The following SYNPR variants were observed in gnomAD, a reference collection of about 807,000 sequenced individuals.
The protein encoded by SYNPR is synaptoporin.
SYNPR carries 23 observed loss-of-function variants against 32.9 expected under a neutral mutation model. That is an observed-to-expected ratio of 0.70 (90% CI 0.50 to 0.99). The LOEUF is 0.99. SYNPR is among the 50% of genes least tolerant of loss of function. SYNPR has a pLI of 0.00. For missense variants in SYNPR, 318 were observed against 349.3 expected, an observed-to-expected ratio of 0.91 and a Z score of 0.71; for synonymous variants, 146 against 135.9, an observed-to-expected ratio of 1.07 and a Z score of -0.52.
chr3:63,204,584 T>C, the SYNPR span, among the ~76,000 whole-genome samples: 1 of 152,348 alleles, frequency 6.6e-6, no homozygotes, highest in East Asian at 1.9e-4. Flanking sequence ...ACAACACATT[T>C]GCTCTCTCCT....
intron 3 of SYNPR, among the ~76,000 whole-genome samples, chr3:63,496,098 G>A (rs1478694789): frequency 1.3e-5 from 2 of 151,882 alleles, no homozygotes; most frequent in Non-Finnish European, 2.9e-5. Context: ...ATTTTTCTGT[G>A]AGCCTAAAAC....
At position 63,524,050 on chromosome 3, in the gene SYNPR, T is replaced by C. The variant is rs1701959560; in HGVS notation, c.210-32493T>C. On this transcript the variant is annotated intron_variant, in intron 3 of 5. Transcript: ENST00000478300. The stretch of plus-strand genomic sequence containing the variant: ...GCATCCAAAATACCATATCCACATA[T>C]GCATCACCTTCCTGATATTTACCTC... Among the ~76,000 whole-genome samples the C allele has an allele frequency of 4.0e-5, 6 of 151,572 alleles. No homozygotes were observed. The South Asian group carries it at 1.0e-3, about 26-fold the overall frequency.
intron 2 of SYNPR, among the ~76,000 whole-genome samples, chr3:63,346,486 T>C (rs553677616): frequency 2.4e-3 from 368 of 152,232 alleles, no homozygotes; most frequent in Non-Finnish European, 4.4e-3. Flanking sequence ...CATTTTTTTG[T>C]TTTGAGATGG....
intron 2 of SYNPR, among the ~76,000 whole-genome samples, chr3:63,283,479 C>T (rs2086649439): frequency 6.6e-6 from 1 of 152,160 alleles, no homozygotes; most frequent in Admixed American, 6.5e-5. Flanking sequence ...TGGTCTTTTA[C>T]ATTTATTCCC....
chr3:63,341,158 G>A (rs1050518623), intron 2 of SYNPR, among the ~76,000 whole-genome samples: 1 of 152,070 alleles, frequency 6.6e-6, no homozygotes, highest in African/African-American at 2.4e-5. Context: ...TTACAGATTG[G>A]CTTCTTTCAT....
intron 4 of SYNPR, among the ~76,000 whole-genome samples, chr3:63,559,132 A>G (rs1277175424): frequency 6.8e-6 from 1 of 146,002 alleles, no homozygotes; most frequent in Non-Finnish European, 1.5e-5. Flanking sequence ...TAGTGGAGCG[A>G]TCTCGGCTCA....
At chr3:63,550,383 A>T (rs1327769833) in intron 3 of SYNPR, among the ~76,000 whole-genome samples, 1 of 151,736 alleles carries the variant, frequency 6.6e-6, no homozygotes, top group East Asian at 1.9e-4. Flanking sequence ...ATGTATATAC[A>T]CGTGTGTTTG....
At chr3:63,494,470 C>CATATGT (rs1701328982) in intron 3 of SYNPR, among the ~76,000 whole-genome samples, 10 of 91,004 alleles carry the variant, frequency 1.1e-4, no homozygotes, top group African/African-American at 4.8e-4. Flanking sequence ...CATATATACA[C>CATATGT]ATATATACAT....
intron 2 of SYNPR, among the ~76,000 whole-genome samples, chr3:63,470,928 G>T (rs1700783269): frequency 2.0e-5 from 3 of 152,174 alleles, no homozygotes; most frequent in African/African-American, 7.2e-5. Flanking sequence ...GGCCCCGTAG[G>T]TCAGACTTTC....
chr3:63,303,271 T>C (rs1328279298), intron 2 of SYNPR, among the ~76,000 whole-genome samples: 3 of 151,908 alleles, frequency 2.0e-5, no homozygotes, highest in African/African-American at 7.2e-5. Flanking sequence ...CATTTGTTAA[T>C]GTTTCTTTCA....
chr3:63,500,983 T>C (rs985003857), intron 3 of SYNPR, among the ~76,000 whole-genome samples: 4 of 152,212 alleles, frequency 2.6e-5, no homozygotes, highest in Non-Finnish European at 5.9e-5. Context: ...TAATAATCCC[T>C]ATTTTGCAAG....
At chr3:63,415,491 G>A (rs1374737523) in intron 2 of SYNPR, among the ~76,000 whole-genome samples, 1 of 152,030 alleles carries the variant, frequency 6.6e-6, no homozygotes, top group Admixed American at 6.6e-5. Context: ...ATATGTGACA[G>A]TTTTTTTCTT....
chr3:63,211,279 C>T, the SYNPR span, among the ~76,000 whole-genome samples: 2 of 152,278 alleles, frequency 1.3e-5, no homozygotes, highest in South Asian at 2.1e-4. Context: ...GTTGGCCAGG[C>T]TGGTCTTGAA....
intron 4 of SYNPR, among the ~76,000 whole-genome samples, chr3:63,561,786 A>T (rs879714599): frequency 2.6e-5 from 4 of 152,146 alleles, no homozygotes; most frequent in Admixed American, 2.6e-4. Context: ...TGAATCACAG[A>T]TTACCAGGAT....
At chr3:63,275,673 T>A (rs2086568637), upstream of SYNPR, among the ~76,000 whole-genome samples, 1 of 152,240 alleles carries the variant, frequency 6.6e-6, no homozygotes, top group South Asian at 2.1e-4. Context: ...CTTAGGCATG[T>A]TACATAGCCA....
chr3:63,398,066 C>A (rs533372394), intron 2 of SYNPR, among the ~76,000 whole-genome samples: 139 of 152,256 alleles, frequency 9.1e-4, no homozygotes, highest in African/African-American at 3.2e-3. Context: ...GAGGGTGAAC[C>A]TTTTAGAAGA....
intron 1 of SYNPR, chr3:63,252,457 A>G (rs2086340837): frequency 1.3e-5 from 2 of 152,206 alleles, no homozygotes; most frequent in Non-Finnish European, 2.9e-5. Flanking sequence ...TGGCTGTAGC[A>G]TAAATCTGCC....
intron 2 of SYNPR, among the ~76,000 whole-genome samples, chr3:63,460,549 A>G (rs1680994266): frequency 7.1e-6 from 1 of 140,466 alleles, no homozygotes. Context: ...CAAAGACAAC[A>G]GCATAGGTGA....
At chr3:63,332,713 T>C (rs1332003843) in intron 2 of SYNPR, among the ~76,000 whole-genome samples, 1 of 152,188 alleles carries the variant, frequency 6.6e-6, no homozygotes, top group Non-Finnish European at 1.5e-5. Context: ...AACAGTGAAT[T>C]GAAGCCCAGA....
Sources: allele counts gnomAD v4.1 joint callset (sites outside exome capture counted in the v4.1 genomes callset), GRCh38; gene constraint gnomAD v4.1.1; transcripts MANE v1.5; gene names NCBI Gene and HGNC (gene_info 2026-07-23, HGNC 2026-07-21).